The following CCDC3 variants were observed in gnomAD, a reference collection of about 807,000 sequenced individuals.
CCDC3 encodes the protein coiled-coil domain containing 3.
Under a neutral mutation model 21.4 loss-of-function variants are expected in CCDC3, and 24 were observed. That is an observed-to-expected ratio of 1.12 (90% CI 0.81 to 1.58). The LOEUF (loss-of-function observed/expected upper bound fraction) is 1.58, where lower values mean the gene tolerates loss of function less well. Ranked by LOEUF, CCDC3 falls within the 40% of genes most tolerant of loss-of-function variation. The probability of loss-of-function intolerance (pLI) is 0.00; values close to 1 mark genes in which losing one functional copy is unlikely to be tolerated. For synonymous variants in CCDC3, 186 were observed against 166.0 expected, an observed-to-expected ratio of 1.12 and a Z score of -0.93; for missense variants, 425 against 360.9, an observed-to-expected ratio of 1.18 and a Z score of -1.44.
At chr10:12,942,882 G>T (rs968575632) in intron 2 of CCDC3, among the ~76,000 whole-genome samples, 5 of 152,138 alleles carry the variant, frequency 3.3e-5, no homozygotes, top group African/African-American at 9.7e-5. Flanking sequence ...CTCACTCCTT[G>T]TGTGTCCTCG....
chr10:12,909,935 G>C (rs1271330356), intron 2 of CCDC3, among the ~76,000 whole-genome samples: 1 of 152,184 alleles, frequency 6.6e-6, no homozygotes, highest in Non-Finnish European at 1.5e-5. Flanking sequence ...CCAAGGGCTG[G>C]GGTGTGTGCC....
intron 5 of CCDC3, among the ~76,000 whole-genome samples, chr10:13,009,857 A>C (rs778157198): frequency 6.6e-6 from 1 of 152,258 alleles, no homozygotes; most frequent in Non-Finnish European, 1.5e-5. Flanking sequence ...ATATCTAATA[A>C]AAGAATGAAA....
intron 2 of CCDC3, among the ~76,000 whole-genome samples, chr10:12,951,918 C>A (rs1025628448): frequency 1.3e-5 from 2 of 149,556 alleles, no homozygotes; most frequent in Non-Finnish European, 3.0e-5. Flanking sequence ...TTTGTAAGAA[C>A]TCCTCTTTTT....
At chr10:12,956,677 A>G (rs1414067283) in intron 2 of CCDC3, among the ~76,000 whole-genome samples, 2 of 152,222 alleles carry the variant, frequency 1.3e-5, no homozygotes, top group African/African-American at 4.8e-5. Context: ...ACTAAACTTT[A>G]GTCAAGCTCC....
At chr10:12,946,025 GTT>G (rs1834911282) in intron 2 of CCDC3, among the ~76,000 whole-genome samples, 1 of 152,198 alleles carries the variant, frequency 6.6e-6, no homozygotes, top group East Asian at 1.9e-4. Flanking sequence ...ATTTCAGTCT[GTT>G]AGTACTATCC....
intron 5 of CCDC3, among the ~76,000 whole-genome samples, chr10:13,035,164 C>G (rs972371601): frequency 2.0e-5 from 3 of 152,082 alleles, no homozygotes; most frequent in African/African-American, 7.2e-5. Context: ...TTCTGGGTGG[C>G]AATCTCACAG....
At chr10:12,955,677 C>CA in intron 2 of CCDC3, among the ~76,000 whole-genome samples, 1 of 152,232 alleles carries the variant, frequency 6.6e-6, no homozygotes, top group Non-Finnish European at 1.5e-5. Context: ...CTCAGCCTCC[C>CA]AAGTGGCTGG....
At chr10:12,985,855 C>T (rs906192858) in intron 2 of CCDC3, among the ~76,000 whole-genome samples, 7 of 152,114 alleles carry the variant, frequency 4.6e-5, no homozygotes, top group African/African-American at 1.4e-4. Context: ...AAAAGACACA[C>T]GTGATAAAAT....
At chr10:12,916,319 C>G (rs896490728) in intron 2 of CCDC3, among the ~76,000 whole-genome samples, 3 of 151,878 alleles carry the variant, frequency 2.0e-5, no homozygotes, top group Non-Finnish European at 4.4e-5. Flanking sequence ...GTAATCCCAG[C>G]TACTCAGGAG....
At chr10:13,097,176 T>C (rs1461930867) in intron 3 of CCDC3, among the ~76,000 whole-genome samples, 1 of 152,064 alleles carries the variant, frequency 6.6e-6, no homozygotes, top group Non-Finnish European at 1.5e-5. Flanking sequence ...CAAAACCACA[T>C]CAACAAATCA....
intron 2 of CCDC3, among the ~76,000 whole-genome samples, chr10:12,963,237 G>T (rs1290571690): frequency 6.6e-6 from 1 of 152,098 alleles, no homozygotes; most frequent in Admixed American, 6.5e-5. Context: ...CCAAACATAG[G>T]CCAACTGCTC....
intron 2 of CCDC3, among the ~76,000 whole-genome samples, chr10:12,964,732 T>C (rs10906270): frequency 0.37 from 56,811 of 152,150 alleles, 11,363 homozygotes; most frequent in East Asian, 0.52. Flanking sequence ...TTGACTCCAC[T>C]TTGCAGATGA....
At chr10:12,915,989 T>C (rs1243813810) in intron 2 of CCDC3, among the ~76,000 whole-genome samples, 2 of 151,994 alleles carry the variant, frequency 1.3e-5, no homozygotes, top group Admixed American at 1.3e-4. Context: ...GTCTGGAGCC[T>C]GGGTTCACAG....
chr10:13,018,641 T>C (rs1836102651), intron 5 of CCDC3, among the ~76,000 whole-genome samples: 1 of 151,934 alleles, frequency 6.6e-6, no homozygotes, highest in African/African-American at 2.4e-5. Context: ...TATTGAAAAA[T>C]GAATAGAGGC....
At chr10:12,937,464 T>A (rs2131234150) in intron 2 of CCDC3, among the ~76,000 whole-genome samples, 1 of 152,156 alleles carries the variant, frequency 6.6e-6, no homozygotes, top group Non-Finnish European at 1.5e-5. Flanking sequence ...ATGTACTGTG[T>A]TTTTTGCTTT....
chr10:12,990,945 G>T (rs1835672372), intron 2 of CCDC3, among the ~76,000 whole-genome samples: 1 of 152,166 alleles, frequency 6.6e-6, no homozygotes, highest in Admixed American at 6.5e-5. Flanking sequence ...TTGAGTTTGG[G>T]TGCAGTATCA....
chr10:12,909,602 C>T (rs1329614021), intron 2 of CCDC3, among the ~76,000 whole-genome samples: 1 of 152,190 alleles, frequency 6.6e-6, no homozygotes, highest in Admixed American at 6.5e-5. Context: ...GACCCCTGTG[C>T]TTAGTGCCGG....
chr10:12,994,782 G>GA (rs1421222099), intron 2 of CCDC3, among the ~76,000 whole-genome samples: 2 of 151,738 alleles, frequency 1.3e-5, no homozygotes, highest in Non-Finnish European at 2.9e-5. Context: ...GTTTTTTTAA[G>GA]AAAAAAGCAG....
At chr10:12,902,509 C>T (rs1342772338) in intron 2 of CCDC3, among the ~76,000 whole-genome samples, 2 of 152,132 alleles carry the variant, frequency 1.3e-5, no homozygotes, top group Non-Finnish European at 2.9e-5. Flanking sequence ...ATTCTTCAAC[C>T]AAGAACAAGA....
Sources: allele counts gnomAD v4.1 joint callset (sites outside exome capture counted in the v4.1 genomes callset), GRCh38; gene constraint gnomAD v4.1.1; transcripts MANE v1.5; gene names NCBI Gene and HGNC (gene_info 2026-07-23, HGNC 2026-07-21).